TBL1XR1: variants seen among roughly 807,000 people sequenced by gnomAD.
The protein encoded by TBL1XR1 is F-box-like/WD repeat-containing protein TBL1XR1.
In TBL1XR1, 5 loss-of-function variants were observed where a neutral mutation model predicts 66.9. The observed-to-expected ratio is 0.07, with a 90% confidence interval of 0.04 to 0.16. The LOEUF (loss-of-function observed/expected upper bound fraction) is 0.16, where lower values mean the gene tolerates loss of function less well. Ranked by LOEUF, TBL1XR1 falls within the 10% of genes least tolerant of loss-of-function variation. The probability of loss-of-function intolerance (pLI) is 1.00; values close to 1 mark genes in which losing one functional copy is unlikely to be tolerated. For missense variants in TBL1XR1, 238 were observed against 623.2 expected, an observed-to-expected ratio of 0.38 and a Z score of 6.58; for synonymous variants, 210 against 206.0, an observed-to-expected ratio of 1.02 and a Z score of -0.17.
chr3:177,114,773 C>T lies in TBL1XR1; in HGVS notation c.-121-16232G>A, dbSNP rs576480985. On this transcript the variant is annotated intron_variant, in intron 1 of 15. Coordinates refer to ENST00000457928, the MANE Select transcript of TBL1XR1 (RefSeq NM_024665.7). ...GGAAGATCGCTTAAGCCCAGGAGTT[C>T]GAGACAAGTCTGGGCAACACAGCAA... is the stretch of plus-strand genomic sequence containing the variant. 1.4e-3 allele frequency among the ~76,000 whole-genome samples: 219 copies of T among 151,676 alleles called. 1 individual carries two copies. Among genetic ancestry groups the T allele is most frequent in the African/African-American group, 5.1e-3 (211 of 41,322 alleles).
intron 2 of TBL1XR1, among the ~76,000 whole-genome samples, chr3:177,074,287 A>G (rs1720413751): frequency 6.6e-6 from 1 of 152,206 alleles, no homozygotes; most frequent in Admixed American, 6.5e-5. Flanking sequence ...ACTAGTCTAC[A>G]CTCACACTGC....
intron 2 of TBL1XR1, among the ~76,000 whole-genome samples, chr3:177,085,485 A>G (rs1177905105): frequency 6.6e-6 from 1 of 152,190 alleles, no homozygotes; most frequent in Non-Finnish European, 1.5e-5. Context: ...GGAAAAGACA[A>G]TAACAGATAT....
intron 1 of TBL1XR1, among the ~76,000 whole-genome samples, chr3:177,101,092 G>C (rs1434368614): frequency 2.0e-5 from 3 of 151,670 alleles, no homozygotes; most frequent in Admixed American, 2.0e-4. Context: ...CCCAACCTCG[G>C]GTGATCTGCC....
chr3:177,083,017 A>G (rs1463472310), intron 2 of TBL1XR1, among the ~76,000 whole-genome samples: 1 of 151,720 alleles, frequency 6.6e-6, no homozygotes, highest in Non-Finnish European at 1.5e-5. Context: ...CTCGGCCTCC[A>G]AAGAGATATT....
rs1280630669 is a variant in TBL1XR1 at position 177,019,394 on chromosome 3, T to C, written c.*6104A>G. 1 of 152,136 alleles carries C rather than the reference T, an allele frequency of 6.6e-6. No individual in the cohort carries two copies. The highest frequency in any genetic ancestry group is 1.9e-4 in the East Asian group (1 of 5,204). 9.4% of individuals were successfully genotyped at this position (152,136 alleles called of 1,614,324 possible). On this transcript the variant is annotated 3_prime_UTR_variant, in exon 16 of 16. Transcript: ENST00000457928. ...CACTTTGTGTTTAATATATTTTAAA[T>C]TGTAAAGAAATTACAAGGAACTCCT...
intron 1 of TBL1XR1, among the ~76,000 whole-genome samples, chr3:177,114,241 T>C (rs1388207087): frequency 1.3e-5 from 2 of 151,302 alleles, no homozygotes; most frequent in East Asian, 3.9e-4. Flanking sequence ...ACATCATATA[T>C]ATATACATCT....
intron 1 of TBL1XR1, among the ~76,000 whole-genome samples, chr3:177,133,243 C>T (rs1400580814): frequency 1.1e-4 from 16 of 151,992 alleles, no homozygotes; most frequent in African/African-American, 3.9e-4. Flanking sequence ...GCTAAGATTG[C>T]GCCACTGCAC....
At chr3:177,153,969 A>G (rs865822967) in intron 1 of TBL1XR1, among the ~76,000 whole-genome samples, 1 of 151,920 alleles carries the variant, frequency 6.6e-6, no homozygotes, top group African/African-American at 2.4e-5. Flanking sequence ...GAAATAATAT[A>G]GAGTGCTAAT....
chr3:177,027,280 T>A (rs770111414), intron 14 of TBL1XR1: 1 of 152,264 alleles, frequency 6.6e-6, no homozygotes, highest in Non-Finnish European at 1.5e-5. Context: ...ATTATAAGCA[T>A]GCACCACAGT....
In TBL1XR1 at chr3:177,020,092, T is replaced by C. The variant is rs1206352156; in HGVS notation, c.*5406A>G. On this transcript the variant is annotated 3_prime_UTR_variant, in exon 16 of 16. Transcript: ENST00000457928. ...AGAAGGTGTCTAGTTGTTTTTCTTA[T>C]AAAGTTTGTAGTAACAACTAGCTAA... 6.6e-6 allele frequency: 1 copy of C among 152,030 alleles called. No homozygotes were observed. Among genetic ancestry groups the C allele is most frequent in the African/African-American group, 2.4e-5 (1 of 41,402 alleles). The allele number at this position is 152,030 out of a possible 1,614,324, so 9.4% of individuals were successfully genotyped here.
At chr3:177,187,294 T>G (rs567782762) in intron 1 of TBL1XR1, among the ~76,000 whole-genome samples, 35 of 150,228 alleles carry the variant, frequency 2.3e-4, no homozygotes, top group African/African-American at 8.6e-4. Context: ...CTCGGGAGAC[T>G]GAGGCAGGGA....
At chr3:177,167,289 A>G (rs560902755) in intron 1 of TBL1XR1, among the ~76,000 whole-genome samples, 1 of 152,352 alleles carries the variant, frequency 6.6e-6, no homozygotes, top group African/African-American at 2.4e-5. Flanking sequence ...CATTCTGGAA[A>G]AGGCAAAATT....
In TBL1XR1 at chr3:177,193,681, T is replaced by G. The variant is rs1309038339; in HGVS notation, c.-122+3440A>C. On this transcript the variant is annotated intron_variant, in intron 1 of 15. Coordinates refer to ENST00000457928, the MANE Select transcript of TBL1XR1 (RefSeq NM_024665.7). ...GAGTTCTATCAATTTCATTTACCCA[T>G]GTAATCACTCGACCCATTTAGTACA... Among the ~76,000 whole-genome samples, 3 of 152,162 alleles carry G rather than the reference T, an allele frequency of 2.0e-5. No homozygotes were observed. The East Asian group carries it at 5.8e-4, about 29-fold the overall frequency.
intron 12 of TBL1XR1, chr3:177,037,772 T>TCATCCATCCATCCATCCATCCATC (rs71170848): frequency 8.2e-5 from 15 of 183,472 alleles, no homozygotes; most frequent in African/African-American, 2.0e-4. Flanking sequence ...AGTAAATCTC[T>TCATCCATCCATCCATCCATCCATC]CATCCATCCA....
chr3:177,168,187 T>C (rs1733049346), intron 1 of TBL1XR1, among the ~76,000 whole-genome samples: 1 of 152,204 alleles, frequency 6.6e-6, no homozygotes, highest in Non-Finnish European at 1.5e-5. Flanking sequence ...AATCCTCTTC[T>C]AATTAAAGTG....
rs180905246 is a variant in TBL1XR1 at position 177,113,197 on chromosome 3, A to G, written c.-121-14656T>C. Among the ~76,000 whole-genome samples the G allele has an allele frequency of 9.3e-4, 141 of 151,564 alleles. 1 individual carries two copies. The highest frequency in any genetic ancestry group is 8.7e-4 in the Admixed American group (13 of 14,992). On this transcript the variant is annotated intron_variant, in intron 1 of 15. Coordinates refer to ENST00000457928, the MANE Select transcript of TBL1XR1 (RefSeq NM_024665.7). ...AAATGAAAGTAGACCCTTATCTTTCACCATATACAAAAATTAAACAAAAAA... is the reference window on the plus strand; with the variant it reads ...AAATGAAAGTAGACCCTTATCTTTCGCCATATACAAAAATTAAACAAAAAA...
intron 4 of TBL1XR1, among the ~76,000 whole-genome samples, chr3:177,053,460 G>T (rs947678041): frequency 4.6e-5 from 7 of 152,136 alleles, no homozygotes; most frequent in East Asian, 3.9e-4. Context: ...AATAACGTGA[G>T]AATTTACAAT....
In TBL1XR1 at chr3:177,094,941, C is replaced by A. The variant is rs553729060; in HGVS notation, c.-46+3525G>T. 2.6e-5 allele frequency among the ~76,000 whole-genome samples: 4 copies of A among 151,760 alleles called. No individual in the cohort carries two copies. In the East Asian group the frequency reaches 7.8e-4, roughly 30 times the overall value. ...TAAAGAACTTATCCATGTAAGCAAC[C>A]ACCACCTATTCCCCCAAAAACCGAC... On this transcript the variant is annotated intron_variant, in intron 2 of 15. Transcript: ENST00000457928.
chr3:177,126,054 T>C (rs1371903672), intron 1 of TBL1XR1: 1 of 152,238 alleles, frequency 6.6e-6, no homozygotes, highest in African/African-American at 2.4e-5. Context: ...TGTGTCATCC[T>C]TGTGCAGGGG....
Sources: gnomAD v4.1 joint callset for allele counts (sites outside exome capture counted in the v4.1 genomes callset) on GRCh38, gnomAD v4.1.1 for gene constraint, MANE v1.5 for transcripts, NCBI Gene and HGNC (gene_info 2026-07-23, HGNC 2026-07-21) for gene names.